RGS3: variants seen among roughly 807,000 people sequenced by gnomAD.
The protein encoded by RGS3 is regulator of G-protein signalling 3.
RGS3 carries 80 observed loss-of-function variants against 132.6 expected under a neutral mutation model. The ratio of observed to expected loss-of-function variants is 0.60; its 90% CI spans 0.50 to 0.73. RGS3 has a LOEUF of 0.73. RGS3 is among the 30% of genes least tolerant of loss of function. The pLI, the probability that RGS3 is intolerant of heterozygous loss-of-function variation, is 0.00. For missense variants in RGS3, 1,382 were observed against 1,530.8 expected (o/e 0.90, Z 1.62); for synonymous variants, 598 against 620.6 (o/e 0.96, Z 0.54).
chr9:113,454,538 G>A (rs1425594910), intron 1 of RGS3, among the ~76,000 whole-genome samples: 7 of 152,064 alleles, frequency 4.6e-5, no homozygotes, highest in Non-Finnish European at 1.0e-4. Flanking sequence ...AACCTGGGAG[G>A]TGGAGGTTGC....
chr9:113,565,909 GTGTGTGTC>G lies in RGS3; in HGVS notation c.2038-17537_2038-17530del, dbSNP rs1294480697. Among the ~76,000 whole-genome samples the G allele has an allele frequency of 3.3e-4, 49 of 146,904 alleles. No individual in the cohort carries two copies. The highest frequency in any genetic ancestry group is 1.1e-3 in the South Asian group (5 of 4,608). ...TGTGTGTGTGTGTGTGTGTGTGTGT[GTGTGTGTC>G]TGTCTGTCTGTCTGTCTCAGGGGCT... On this transcript the variant is annotated intron_variant, in intron 19 of 24. Coordinates refer to ENST00000350696, the Ensembl canonical transcript of RGS3. This position sits in a 1 kb window ranked among gnomAD's most constrained non-coding sequence, Gnocchi z 5.7.
At chr9:113,520,542 GTTTTTTTTTTT>G (rs768805637) in intron 16 of RGS3, among the ~76,000 whole-genome samples, 1 of 127,428 alleles carries the variant, frequency 7.8e-6, no homozygotes, top group Non-Finnish European at 1.7e-5. Flanking sequence ...GGCCTGGGCT[GTTTTTTTTTTT>G]TTTTTTTTTT....
chr9:113,456,768 C>T (rs111460506), upstream of RGS3, among the ~76,000 whole-genome samples: 6,105 of 151,994 alleles, frequency 0.04, 166 homozygotes, highest in South Asian at 0.1. Context: ...AAAGCCCAAT[C>T]TCCTTATAAT....
At chr9:113,485,974 A>G (rs999194997) in intron 7 of RGS3, among the ~76,000 whole-genome samples, 1 of 152,228 alleles carries the variant, frequency 6.6e-6, no homozygotes, top group Non-Finnish European at 1.5e-5. Flanking sequence ...TTTATTCTCA[A>G]GGTGTCCACT....
intron 19 of RGS3, chr9:113,541,185 C>T: frequency 1.2e-6 from 1 of 852,170 alleles, no homozygotes; most frequent in Non-Finnish European, 1.8e-6. Context: ...GTCATCTCCA[C>T]TGGGGCCACT....
At chr9:113,489,106 C>A (rs1205899607) in intron 7 of RGS3, among the ~76,000 whole-genome samples, 1 of 152,152 alleles carries the variant, frequency 6.6e-6, no homozygotes, top group Non-Finnish European at 1.5e-5. Context: ...CTTATTATTG[C>A]CCCTCTCTTC....
intron 5 of RGS3, among the ~76,000 whole-genome samples, chr9:113,483,737 G>C (rs1220164977): frequency 1.3e-5 from 2 of 152,216 alleles, no homozygotes; most frequent in Admixed American, 1.3e-4. Context: ...TTGAGAACAT[G>C]GATTTGGGGC....
chr9:113,538,989 A>G (rs144358176), intron 19 of RGS3, among the ~76,000 whole-genome samples: 2,249 of 152,330 alleles, frequency 0.015, 60 homozygotes, highest in African/African-American at 0.051. Flanking sequence ...CACCATGCAC[A>G]TGCAAAGAGT....
chr9:113,510,047 A>G (rs1455552605), intron 14 of RGS3, among the ~76,000 whole-genome samples: 2 of 152,138 alleles, frequency 1.3e-5, no homozygotes, highest in African/African-American at 4.8e-5. Context: ...CCCGAGCAGA[A>G]TATACTGCAC....
At chr9:113,490,263 T>C (rs2096202534) in intron 7 of RGS3, among the ~76,000 whole-genome samples, 1 of 152,190 alleles carries the variant, frequency 6.6e-6, no homozygotes, top group South Asian at 2.1e-4. Context: ...CATATACTCA[T>C]AGCGGAGTTT....
At chr9:113,505,349 C>T (rs1831081541) in intron 10 of RGS3, 93 bp from the exon 9 acceptor site, 1 of 1,081,966 alleles carries the variant, frequency 9.2e-7, no homozygotes, top group East Asian at 2.5e-5. Context: ...AGGAGGGTGG[C>T]TCTTGGCAGG....
At chr9:113,581,890 G>A (rs1259643517) in intron 19 of RGS3, 2 of 295,154 alleles carry the variant, frequency 6.8e-6, no homozygotes, top group African/African-American at 4.5e-5. Flanking sequence ...TGGCCTGTGA[G>A]CCATAGCCTA....
At chr9:113,462,357 C>T (rs1357811547) in intron 3 of RGS3, among the ~76,000 whole-genome samples, 1 of 152,154 alleles carries the variant, frequency 6.6e-6, no homozygotes, top group African/African-American at 2.4e-5. Context: ...CACGAAGTGC[C>T]AGGATTCAAA....
intron 15 of RGS3, among the ~76,000 whole-genome samples, chr9:113,516,085 G>C (rs929840284): frequency 7.9e-5 from 12 of 152,204 alleles, no homozygotes; most frequent in African/African-American, 2.9e-4. Flanking sequence ...AGATTCTAAT[G>C]GTTTATCGTC....
At chr9:113,520,564 T>TA (rs1831899239) in intron 16 of RGS3, among the ~76,000 whole-genome samples, 1 of 147,784 alleles carries the variant, frequency 6.8e-6, no homozygotes, top group Non-Finnish European at 1.5e-5. Flanking sequence ...TTTTTTTTTT[T>TA]AAACTTTCTA....
chr9:113,519,199 G>A (rs1037362425), intron 16 of RGS3, among the ~76,000 whole-genome samples: 2 of 152,110 alleles, frequency 1.3e-5, no homozygotes, highest in African/African-American at 4.8e-5. Context: ...AGGCTGGTAA[G>A]GAATGGAGCC....
chr9:113,595,221 C>A (rs1835701385), intron 23 of RGS3: 1 of 587,548 alleles, frequency 1.7e-6, no homozygotes, highest in Admixed American at 3.0e-5. Flanking sequence ...GCCCGTGGGA[C>A]CTGTGTGCTC....
intron 19 of RGS3, among the ~76,000 whole-genome samples, chr9:113,549,147 G>T (rs534189971): frequency 6.6e-6 from 1 of 152,320 alleles, no homozygotes; most frequent in African/African-American, 2.4e-5. Context: ...TGAGGTAGTA[G>T]CAGCCTCCTG....
chr9:113,458,145 GACCTCA>G (rs890005528), upstream of RGS3, among the ~76,000 whole-genome samples: 1 of 152,208 alleles, frequency 6.6e-6, no homozygotes, highest in African/African-American at 2.4e-5. Context: ...TCAAACTCCT[GACCTCA>G]AGCGATCCGC....
Sources: allele counts gnomAD v4.1 joint callset (sites outside exome capture counted in the v4.1 genomes callset), GRCh38; gene constraint gnomAD v4.1.1; non-coding constraint Gnocchi (gnomAD v3.1); transcripts MANE v1.5; gene names NCBI Gene and HGNC (gene_info 2026-07-23, HGNC 2026-07-21).